The following SKAP2 variants were observed in gnomAD, a reference collection of about 807,000 sequenced individuals.
The protein encoded by SKAP2 is src kinase-associated phosphoprotein 2.
SKAP2 carries 28 observed loss-of-function variants against 54.9 expected under a neutral mutation model. The ratio of observed to expected loss-of-function variants is 0.51; its 90% CI spans 0.38 to 0.70. SKAP2 has a LOEUF of 0.70. Among genes scored for constraint, SKAP2 ranks in the 30% least tolerant of loss-of-function variants. The pLI, the probability that SKAP2 is intolerant of heterozygous loss-of-function variation, is 0.00. For synonymous variants in SKAP2, 137 were observed against 134.3 expected, an observed-to-expected ratio of 1.02 and a Z score of -0.14; for missense variants, 356 against 424.1, an observed-to-expected ratio of 0.84 and a Z score of 1.41.
chr7:26,779,429 C>G (rs1033050195), intron 4 of SKAP2, among the ~76,000 whole-genome samples: 1 of 151,980 alleles, frequency 6.6e-6, no homozygotes, highest in African/African-American at 2.4e-5. Flanking sequence ...CCTAACAATA[C>G]TCAATGAAAT....
intron 11 of SKAP2, among the ~76,000 whole-genome samples, chr7:26,678,749 G>A (rs1195299598): frequency 6.6e-6 from 1 of 151,956 alleles, no homozygotes; most frequent in Non-Finnish European, 1.5e-5. Flanking sequence ...CATGCTGGTT[G>A]TTCCTTGATA....
intron 6 of SKAP2, among the ~76,000 whole-genome samples, chr7:26,729,893 T>C (rs1360399539): frequency 6.6e-6 from 1 of 152,216 alleles, no homozygotes; most frequent in East Asian, 1.9e-4. Context: ...AATGTGCTGT[T>C]GTTTAACCAA....
the SKAP2 span, among the ~76,000 whole-genome samples, chr7:26,654,832 C>T: frequency 2.0e-4 from 31 of 152,268 alleles, 2 homozygotes; most frequent in South Asian, 5.4e-3. Flanking sequence ...ATTTGTTATG[C>T]AGACACTACC....
intron 4 of SKAP2, among the ~76,000 whole-genome samples, chr7:26,775,345 A>G (rs958320084): frequency 1.3e-5 from 2 of 152,072 alleles, no homozygotes; most frequent in Non-Finnish European, 2.9e-5. Context: ...AATTTTTTTG[A>G]AATTTTTATT....
intron 9 of SKAP2, among the ~76,000 whole-genome samples, chr7:26,719,396 G>C (rs1000788205): frequency 3.9e-5 from 6 of 152,052 alleles, no homozygotes; most frequent in African/African-American, 1.4e-4. Context: ...CAAAAAGATA[G>C]AGAAGTCACA....
intron 6 of SKAP2, 62 bp downstream of exon 6, chr7:26,738,733 G>A (rs1050302460): frequency 3.1e-5 from 26 of 845,178 alleles, no homozygotes; most frequent in Non-Finnish European, 4.9e-5. Flanking sequence ...TCAAAAGAGG[G>A]GGAAGGGATG....
At chr7:26,812,748 C>T (rs1462914108) in intron 4 of SKAP2, among the ~76,000 whole-genome samples, 1 of 152,066 alleles carries the variant, frequency 6.6e-6, no homozygotes, top group Non-Finnish European at 1.5e-5. Context: ...ATGGTCGTAT[C>T]ACTTTTTATA....
chr7:26,664,572 G>A (rs566356893), downstream of SKAP2, among the ~76,000 whole-genome samples: 4 of 152,180 alleles, frequency 2.6e-5, no homozygotes, highest in East Asian at 7.7e-4. Flanking sequence ...CAAACAAGAA[G>A]TAAATTGCAG....
intron 4 of SKAP2, among the ~76,000 whole-genome samples, chr7:26,802,235 A>G (rs1047577414): frequency 3.3e-5 from 5 of 151,898 alleles, no homozygotes; most frequent in Non-Finnish European, 7.4e-5. Context: ...CAAAGGTACT[A>G]AGAACATAGA....
intron 3 of SKAP2, among the ~76,000 whole-genome samples, chr7:26,850,924 T>C (rs1785025853): frequency 6.6e-6 from 1 of 152,038 alleles, no homozygotes; most frequent in Non-Finnish European, 1.5e-5. Flanking sequence ...TTTAAAACAA[T>C]AGCTTTCTAT....
At chr7:26,811,061 C>T (rs189788474) in intron 4 of SKAP2, among the ~76,000 whole-genome samples, 1 of 152,228 alleles carries the variant, frequency 6.6e-6, no homozygotes, top group East Asian at 1.9e-4. Flanking sequence ...TTTGACCAGT[C>T]ACAAAGCAAG....
At chr7:26,834,041 C>T (rs1784655644) in intron 4 of SKAP2, among the ~76,000 whole-genome samples, 1 of 152,206 alleles carries the variant, frequency 6.6e-6, no homozygotes, top group South Asian at 2.1e-4. Context: ...TTAAGAAACT[C>T]ACTCAACACC....
At chr7:26,793,899 T>C (rs1266232727) in intron 4 of SKAP2, among the ~76,000 whole-genome samples, 2 of 152,232 alleles carry the variant, frequency 1.3e-5, no homozygotes, top group Non-Finnish European at 2.9e-5. Context: ...ATACAATTAA[T>C]TAGCCTGGGC....
intron 9 of SKAP2, among the ~76,000 whole-genome samples, chr7:26,699,610 A>C (rs1358516285): frequency 4.6e-5 from 7 of 152,114 alleles, no homozygotes; most frequent in African/African-American, 7.2e-5. Context: ...AATCTAATAA[A>C]ATTTAAAACA....
intron 4 of SKAP2, among the ~76,000 whole-genome samples, chr7:26,808,002 C>T (rs1404707728): frequency 6.6e-6 from 1 of 152,084 alleles, no homozygotes; most frequent in Admixed American, 6.5e-5. Flanking sequence ...AATCAAAAAA[C>T]TCATGAATTG....
intron 3 of SKAP2, 31 bp downstream of exon 3, chr7:26,854,106 A>AT: frequency 6.6e-7 from 1 of 1,525,192 alleles, no homozygotes; most frequent in South Asian, 1.2e-5. Flanking sequence ...GAGGAAAAAA[A>AT]TTTTCAAGTT....
chr7:26,741,538 CTAAA>C (rs370860741), intron 4 of SKAP2, among the ~76,000 whole-genome samples: 2,821 of 80,492 alleles, frequency 0.035, 56 homozygotes, highest in African/African-American at 0.13. Context: ...GACCCTGTCT[CTAAA>C]TAAATAAATA....
At position 26,682,486 on chromosome 7, in the gene SKAP2, G is replaced by C. The variant is rs113629024; in HGVS notation, c.987+2250C>G. On this transcript the variant is annotated intron_variant, in intron 11 of 12. Transcript: ENST00000345317. ...TTGATTCCACTAGGTCCACAGCTGA[G>C]TAACGATGAACACTGAACCTTATTC... Among the ~76,000 whole-genome samples, 76 of 152,296 alleles carry C rather than the reference G, an allele frequency of 5.0e-4. 1 individual carries two copies. The highest frequency in any genetic ancestry group is 1.8e-3 in the African/African-American group (75 of 41,558).
At chr7:26,714,954 CTGTT>C (rs775879217) in intron 9 of SKAP2, among the ~76,000 whole-genome samples, 6 of 152,072 alleles carry the variant, frequency 3.9e-5, no homozygotes, top group Non-Finnish European at 7.4e-5. Flanking sequence ...GATATGAAGA[CTGTT>C]AGAAGCTATG....
Sources: allele counts gnomAD v4.1 joint callset (sites outside exome capture counted in the v4.1 genomes callset), GRCh38; gene constraint gnomAD v4.1.1; transcripts MANE v1.5; gene names NCBI Gene and HGNC (gene_info 2026-07-23, HGNC 2026-07-21).